Variants in C4BPB observed in about 807,000 individuals in gnomAD.
C4BPB encodes the protein C4b-binding protein beta chain.
A neutral mutation model predicts 26.6 loss-of-function variants in C4BPB; 19 were observed. That is an observed-to-expected ratio of 0.71 (90% CI 0.50 to 1.05). C4BPB has a LOEUF of 1.05. C4BPB is among the 50% of genes least tolerant of loss of function. The pLI is 0.00. For synonymous variants in C4BPB, 118 were observed against 103.5 expected, an observed-to-expected ratio of 1.14 and a Z score of -0.85; for missense variants, 282 against 302.9, an observed-to-expected ratio of 0.93 and a Z score of 0.51.
chr1:207,092,366 A>G (rs889488132), intron 4 of C4BPB, among the ~76,000 whole-genome samples: 2 of 152,152 alleles, frequency 1.3e-5, no homozygotes, highest in African/African-American at 4.8e-5. Flanking sequence ...GTGTGTATGT[A>G]TATATATAAA....
At chr1:207,095,064 T>C (rs1228588144) in intron 4 of C4BPB, 4 of 290,580 alleles carry the variant, frequency 1.4e-5, no homozygotes, top group South Asian at 8.7e-5. Flanking sequence ...TCAGTAAATA[T>C]ACACCCACAT....
At chr1:207,095,517 C>CA (rs1572758941) in intron 4 of C4BPB, 1 of 418,904 alleles carries the variant, frequency 2.4e-6, no homozygotes, top group Non-Finnish European at 4.8e-6. Context: ...TTAGTAGAGA[C>CA]TGGGTTTCAC....
intron 4 of C4BPB, 29 bp downstream of exon 4, chr1:207,091,849 C>T: frequency 6.4e-7 from 1 of 1,571,224 alleles, no homozygotes. Flanking sequence ...ATCAAGGATC[C>T]CCAAAATACT....
chr1:207,095,334 A>G, intron 4 of C4BPB: 1 of 456,078 alleles, frequency 2.2e-6, no homozygotes, highest in Non-Finnish European at 4.4e-6. Flanking sequence ...GTTCTCCCCT[A>G]TTTCTTTTTC....
At chr1:207,099,222 A>C (rs1029772444) in intron 6 of C4BPB, among the ~76,000 whole-genome samples, 1 of 152,216 alleles carries the variant, frequency 6.6e-6, no homozygotes, top group Non-Finnish European at 1.5e-5. Context: ...AAGAGGGGTC[A>C]ACCTAGATCC....
chr1:207,093,053 A>C (rs1684101465), intron 4 of C4BPB, among the ~76,000 whole-genome samples: 1 of 152,218 alleles, frequency 6.6e-6, no homozygotes, highest in Admixed American at 6.5e-5. Context: ...CTTGGACACA[A>C]AATAAATATT....
chr1:207,095,482 C>T (rs1558078348), intron 4 of C4BPB: 1 of 449,936 alleles, frequency 2.2e-6, no homozygotes, highest in Non-Finnish European at 4.5e-6. Context: ...AGGTGCGCAC[C>T]CACGCTGGGC....
chr1:207,098,042 G>A, intron 5 of C4BPB, 108 bp from the exon 6 acceptor site: 1 of 818,464 alleles, frequency 1.2e-6, no homozygotes, highest in Non-Finnish European at 2.1e-6. Flanking sequence ...GGGCAGGGAG[G>A]TGGATTCCAT....
intron 6 of C4BPB, among the ~76,000 whole-genome samples, chr1:207,099,267 T>C (rs1321812261): frequency 6.6e-6 from 1 of 152,226 alleles, no homozygotes; most frequent in East Asian, 1.9e-4. Context: ...TTTCACGCTC[T>C]TATGAGAATC....
At chr1:207,098,094 T>C in intron 5 of C4BPB, 56 bp from the exon 6 acceptor site, 1 of 1,345,594 alleles carries the variant, frequency 7.4e-7, no homozygotes, top group Non-Finnish European at 1.1e-6. Flanking sequence ...AAAACCAGTC[T>C]CCATTACCCA....
In C4BPB at chr1:207,090,219, G is replaced by C. The variant is rs1683970577; in HGVS notation, c.59-89G>C. 8.6e-6 allele frequency: 9 copies of C among 1,043,608 alleles called. No homozygotes were observed. The South Asian group carries it at 1.5e-4, about 17-fold the overall frequency. 64.6% of individuals were successfully genotyped at this position (1,043,608 alleles called of 1,614,324 possible). On this transcript the variant is annotated intron_variant, in intron 2 of 6. Transcript: ENST00000367078. ...CACAGGAATCAGGATCAATAATCCA[G>C]CAAAAAGACATGAGAATGGGGAAAT...
intron 2 of C4BPB, among the ~76,000 whole-genome samples, chr1:207,089,905 G>A (rs930335970): frequency 1.3e-5 from 2 of 152,160 alleles, no homozygotes; most frequent in African/African-American, 2.4e-5. Context: ...TTGTGTAGGG[G>A]ACTATTTGTT....
chr1:207,095,983 AGCCT>A (rs1488948783), intron 4 of C4BPB: 1 of 176,040 alleles, frequency 5.7e-6, no homozygotes, highest in Non-Finnish European at 1.2e-5. Flanking sequence ...TTTCCTGTAC[AGCCT>A]GCAGAACTGT....
At position 207,095,229 on chromosome 1, in the gene C4BPB, A is replaced by G. The variant is rs73079106; in HGVS notation, c.410-1293A>G. 1,562 of 454,126 alleles carry G rather than the reference A, an allele frequency of 3.4e-3. 19 individuals carry two copies. Among genetic ancestry groups the G allele is most frequent in the African/African-American group, 0.021 (1,074 of 50,106 alleles). The allele number at this position is 454,126 out of a possible 1,614,324, so 28.1% of individuals were successfully genotyped here. A position where few individuals can be genotyped will look rare whatever the true frequency, so the allele number is the denominator to read the frequency against. On this transcript the variant is annotated intron_variant, in intron 4 of 6. Transcript: ENST00000367078. ...AAAATGGCTTTAGTGCTACATAGCTAGTGGAAGAGCCAGTATCAAGACTCA... is the reference window on the plus strand; with the variant it reads ...AAAATGGCTTTAGTGCTACATAGCTGGTGGAAGAGCCAGTATCAAGACTCA...
Position 207,089,527 on chromosome 1 carries a change from A to G in C4BPB, c.-5A>G. ...CCAGCCTGGGGAGAGGACTTTGATC[A>G]CCAGATGTTTTTTTGGTGTGCGTGC... is the stretch of plus-strand genomic sequence containing the variant. On this transcript the variant is annotated 5_prime_UTR_variant, in exon 2 of 7. Transcript: ENST00000367078. 6.2e-7 allele frequency: 1 copy of G among 1,613,888 alleles called. No individual in the cohort carries two copies. The highest frequency in any genetic ancestry group is 8.5e-7 in the Non-Finnish European group (1 of 1,179,884).
Position 207,090,450 on chromosome 1 carries a change from G to C in C4BPB, c.201G>C (p.Lys67Asn). The stretch of plus-strand genomic sequence containing the variant: ...AGACCCTTTTTTGCAATGCCTCTAA[G>C]GAGTGGGATAACACCACTACTGAGT... ...GKKTLFCNAS[K>N]EWDNTTTECR... The change falls in exon 3 of 7, where the codon AAG (lysine) becomes AAC (asparagine). Residue 67 changes from lysine (K) to asparagine (N), a missense_variant. Coordinates refer to ENST00000367078, the MANE Select transcript of C4BPB (RefSeq NM_001017365.3). 1 of 1,613,810 alleles carries C rather than the reference G, an allele frequency of 6.2e-7. No individual in the cohort carries two copies. Among genetic ancestry groups the C allele is most frequent in the South Asian group, 1.1e-5 (1 of 91,042 alleles).
In C4BPB at chr1:207,092,008, T is replaced by G. The variant is rs1413779132; in HGVS notation, c.409+188T>G. 2.6e-5 allele frequency: 14 copies of G among 541,346 alleles called. No homozygotes were observed. The East Asian group carries it at 3.8e-4, about 15-fold the overall frequency. 33.5% of individuals were successfully genotyped at this position (541,346 alleles called of 1,614,324 possible). On this transcript the variant is annotated intron_variant, in intron 4 of 6. Transcript: ENST00000367078. The stretch of plus-strand genomic sequence containing the variant: ...CTCACCTCAAGAGAATACATTCCAT[T>G]GCAATGAACAGCATCCAAAGCACAC...
intron 6 of C4BPB, 54 bp downstream of exon 6, chr1:207,098,318 C>T (rs1222306242): frequency 4.5e-6 from 5 of 1,101,302 alleles, no homozygotes; most frequent in South Asian, 2.5e-5. Flanking sequence ...CAGGGCCTGG[C>T]ATCACTCCTG....
At chr1:207,095,579 T>G (rs891259840) in intron 4 of C4BPB, 1 of 370,362 alleles carries the variant, frequency 2.7e-6, no homozygotes, top group Non-Finnish European at 5.3e-6. Flanking sequence ...TCCACCCCCT[T>G]CAGCCTCCCA....
Sources: gnomAD v4.1 joint callset for allele counts (sites outside exome capture counted in the v4.1 genomes callset) on GRCh38, gnomAD v4.1.1 for gene constraint, MANE v1.5 for transcripts, NCBI Gene and HGNC (gene_info 2026-07-23, HGNC 2026-07-21) for gene names.